The following AGBL4 variants were observed in gnomAD, a reference collection of about 807,000 sequenced individuals.
AGBL4 encodes the protein cytosolic carboxypeptidase 6.
AGBL4 carries 58 observed loss-of-function variants against 66.4 expected under a neutral mutation model. The ratio of observed to expected loss-of-function variants is 0.87; its 90% CI spans 0.71 to 1.09. The LOEUF (loss-of-function observed/expected upper bound fraction) is 1.09, where lower values mean the gene tolerates loss of function less well. Among genes scored for constraint, AGBL4 ranks in the 50% least tolerant of loss-of-function variants. The probability of loss-of-function intolerance (pLI) is 0.00; values close to 1 mark genes in which losing one functional copy is unlikely to be tolerated. For missense variants in AGBL4, 579 were observed against 631.0 expected, an observed-to-expected ratio of 0.92 and a Z score of 0.88; for synonymous variants, 234 against 222.9, an observed-to-expected ratio of 1.05 and a Z score of -0.44.
intron 1 of AGBL4, among the ~76,000 whole-genome samples, chr1:49,866,830 G>A (rs2148101227): frequency 6.7e-6 from 1 of 149,830 alleles, no homozygotes; most frequent in East Asian, 2.0e-4. Flanking sequence ...TGGTCACCTT[G>A]ACTTCACATC....
intron 3 of AGBL4, among the ~76,000 whole-genome samples, chr1:49,412,803 G>A (rs1409578775): frequency 1.3e-5 from 2 of 152,094 alleles, no homozygotes; most frequent in African/African-American, 2.4e-5. Context: ...TTTCTGAAGA[G>A]AGTACAACAC....
intron 4 of AGBL4, among the ~76,000 whole-genome samples, chr1:49,071,361 G>C (rs1390785993): frequency 6.6e-6 from 1 of 151,834 alleles, no homozygotes; most frequent in Non-Finnish European, 1.5e-5. Flanking sequence ...GATCTTTCCT[G>C]CTTTCTCTTG....
At chr1:49,704,885 T>C (rs1647176355) in intron 2 of AGBL4, among the ~76,000 whole-genome samples, 1 of 152,166 alleles carries the variant, frequency 6.6e-6, no homozygotes, top group Non-Finnish European at 1.5e-5. Flanking sequence ...TTTGTTCTTT[T>C]GCTTAGGATT....
At chr1:49,407,931 A>T (rs937637779) in intron 3 of AGBL4, among the ~76,000 whole-genome samples, 3 of 152,180 alleles carry the variant, frequency 2.0e-5, no homozygotes, top group Admixed American at 2.0e-4. Flanking sequence ...TCCAGTTGCA[A>T]ATGTCCAGCC....
intron 4 of AGBL4, among the ~76,000 whole-genome samples, chr1:49,236,814 G>A (rs1650787468): frequency 6.6e-6 from 1 of 152,046 alleles, no homozygotes; most frequent in Non-Finnish European, 1.5e-5. Flanking sequence ...TCAGTGATAT[G>A]GTTTGGTTGT....
chr1:49,701,367 A>C (rs1647090586), intron 2 of AGBL4, among the ~76,000 whole-genome samples: 1 of 152,140 alleles, frequency 6.6e-6, no homozygotes, highest in Non-Finnish European at 1.5e-5. Flanking sequence ...TTTTATCACA[A>C]AAATAGTAAT....
rs746673782 is a variant in AGBL4 at position 48,759,151 on chromosome 1, G to A, written c.635-95910C>T. 30 of 1,614,164 alleles carry A rather than the reference G, an allele frequency of 1.9e-5. No homozygotes were observed. In the South Asian group the frequency reaches 3.2e-4, roughly 17 times the overall value. On this transcript the variant is annotated intron_variant, in intron 6 of 13. Transcript: ENST00000371839. ...TAGACTGTCCATGTCCTCTGTGCCT[G>A]GCGAGGCCTCCACGAAGACCTCTTC...
At chr1:49,109,983 C>G (rs1351596171) in intron 4 of AGBL4, among the ~76,000 whole-genome samples, 1 of 152,288 alleles carries the variant, frequency 6.6e-6, no homozygotes, top group South Asian at 2.1e-4. Context: ...ATCTCTCCCC[C>G]ATCAACACAC....
intron 1 of AGBL4, among the ~76,000 whole-genome samples, chr1:49,863,249 C>A (rs1033405230): frequency 1.3e-5 from 2 of 152,154 alleles, no homozygotes; most frequent in Non-Finnish European, 2.9e-5. Context: ...GAAAATGAAT[C>A]TAGACCCCTA....
intron 3 of AGBL4, among the ~76,000 whole-genome samples, chr1:49,559,643 G>A (rs909797776): frequency 2.0e-4 from 30 of 152,160 alleles, no homozygotes; most frequent in Admixed American, 1.8e-3. Context: ...TCCTTCTACT[G>A]TTCTGGATGC....
chr1:48,948,904 G>A (rs1050134263), intron 5 of AGBL4, among the ~76,000 whole-genome samples: 9 of 152,088 alleles, frequency 5.9e-5, no homozygotes, highest in South Asian at 2.1e-4. Flanking sequence ...TCTGTTTGAC[G>A]TGATAAAAAG....
intron 4 of AGBL4, among the ~76,000 whole-genome samples, chr1:49,145,593 T>G (rs932779478): frequency 2.6e-5 from 4 of 152,134 alleles, no homozygotes; most frequent in Non-Finnish European, 5.9e-5. Context: ...TGGTCTCAGG[T>G]AACAAAGCTA....
intron 9 of AGBL4, 66 bp downstream of exon 9, chr1:48,634,427 T>C: frequency 3.7e-6 from 5 of 1,358,696 alleles, no homozygotes; most frequent in Middle Eastern, 3.8e-4. Context: ...ACTTTCCCAA[T>C]ACAATGCTGC....
At chr1:48,700,375 C>G (rs1327537720) in intron 6 of AGBL4, among the ~76,000 whole-genome samples, 4 of 152,212 alleles carry the variant, frequency 2.6e-5, no homozygotes, top group Non-Finnish European at 5.9e-5. Context: ...CTGCACAGCA[C>G]AATTGAAATG....
intron 3 of AGBL4, among the ~76,000 whole-genome samples, chr1:49,516,168 C>T (rs1401692876): frequency 1.3e-5 from 2 of 151,732 alleles, no homozygotes; most frequent in Non-Finnish European, 2.9e-5. Flanking sequence ...TGCTGGGATA[C>T]AGAAATGGAT....
At chr1:49,106,190 T>C (rs1645288658) in intron 4 of AGBL4, among the ~76,000 whole-genome samples, 1 of 152,178 alleles carries the variant, frequency 6.6e-6, no homozygotes, top group South Asian at 2.1e-4. Flanking sequence ...GATATATCCA[T>C]AACGGGCAGT....
intron 1 of AGBL4, among the ~76,000 whole-genome samples, chr1:49,888,557 A>T (rs567830729): frequency 6.6e-5 from 10 of 152,226 alleles, no homozygotes; most frequent in Non-Finnish European, 8.8e-5. Flanking sequence ...AATAAGAGTT[A>T]AACTAAAGGG....
chr1:49,176,333 A>G (rs1176821086), intron 4 of AGBL4, among the ~76,000 whole-genome samples: 2 of 152,186 alleles, frequency 1.3e-5, no homozygotes, highest in African/African-American at 2.4e-5. Flanking sequence ...AAACCTAGGT[A>G]AGGAGCCCAG....
chr1:48,955,229 G>A (rs2148932252), intron 5 of AGBL4, among the ~76,000 whole-genome samples: 1 of 152,306 alleles, frequency 6.6e-6, no homozygotes, highest in Non-Finnish European at 1.5e-5. Flanking sequence ...TGAGTTGGGA[G>A]GGATATCAAG....
Sources: gnomAD v4.1 joint callset for allele counts (sites outside exome capture counted in the v4.1 genomes callset) on GRCh38, gnomAD v4.1.1 for gene constraint, MANE v1.5 for transcripts, NCBI Gene and HGNC (gene_info 2026-07-23, HGNC 2026-07-21) for gene names.